Variants in SNX29 observed in about 807,000 individuals in gnomAD.
SNX29 encodes sorting nexin 29.
A neutral mutation model predicts 102.1 loss-of-function variants in SNX29; 78 were observed. The observed-to-expected ratio is 0.76, with a 90% CI of 0.64 to 0.92. The LOEUF (loss-of-function observed/expected upper bound fraction) is 0.92, where lower values mean the gene tolerates loss of function less well. Among genes scored for constraint, SNX29 ranks in the 40% least tolerant of loss-of-function variants. The pLI, the probability that SNX29 is intolerant of heterozygous loss-of-function variation, is 0.00. For synonymous variants in SNX29, 580 were observed against 414.5 expected, an observed-to-expected ratio of 1.40 and a Z score of -4.85; for missense variants, 1,280 against 1,061.7, an observed-to-expected ratio of 1.21 and a Z score of -2.86.
intron 20 of SNX29, chr16:12,546,345 A>C (rs564811010): frequency 1.3e-5 from 2 of 152,280 alleles, no homozygotes; most frequent in South Asian, 4.1e-4. Context: ...ATGGACTCAC[A>C]GTTCCATGTG....
intron 14 of SNX29, among the ~76,000 whole-genome samples, chr16:12,229,667 A>G (rs978004956): frequency 5.3e-5 from 8 of 151,950 alleles, no homozygotes; most frequent in African/African-American, 1.9e-4. Flanking sequence ...TGCATTCTTC[A>G]AAGATCTACC....
chr16:12,145,170 G>C (rs1028614560), intron 13 of SNX29, among the ~76,000 whole-genome samples: 32 of 150,930 alleles, frequency 2.1e-4, no homozygotes, highest in African/African-American at 7.8e-4. Context: ...CCATACCTGA[G>C]ATTTCTTGAG....
intron 19 of SNX29, among the ~76,000 whole-genome samples, chr16:12,517,302 G>C (rs1307236481): frequency 6.6e-6 from 1 of 152,198 alleles, no homozygotes; most frequent in Non-Finnish European, 1.5e-5. Flanking sequence ...GGCCCTTTAA[G>C]AGCTGGACAT....
At chr16:12,220,676 C>G (rs1427161345) in intron 14 of SNX29, among the ~76,000 whole-genome samples, 3 of 152,120 alleles carry the variant, frequency 2.0e-5, no homozygotes, top group African/African-American at 7.2e-5. Context: ...AAATATTTTT[C>G]TTTTCTTTTC....
At chr16:12,139,989 A>G (rs1262143108) in intron 13 of SNX29, among the ~76,000 whole-genome samples, 2 of 151,256 alleles carry the variant, frequency 1.3e-5, no homozygotes, top group East Asian at 3.9e-4. Flanking sequence ...TCAAAAAAAA[A>G]AAAAAAAAAA....
At chr16:12,562,837 C>T (rs146129696) in intron 20 of SNX29, among the ~76,000 whole-genome samples, 14 of 152,296 alleles carry the variant, frequency 9.2e-5, no homozygotes, top group African/African-American at 3.4e-4. Flanking sequence ...TAGCATTCCC[C>T]TATAGGCAAC....
rs58408658 is a variant in SNX29, at chr16:12,273,577, C to G, written c.1679-4356C>G. On this transcript the variant is annotated intron_variant, in intron 14 of 20. Coordinates refer to ENST00000566228, the MANE Select transcript of SNX29 (RefSeq NM_032167.5). ...TTTCACCATGTTGGCCAGCTGGTCTCGAACACTTGACCTCAGGTGATCTGC... is the reference window on the plus strand; with the variant it reads ...TTTCACCATGTTGGCCAGCTGGTCTGGAACACTTGACCTCAGGTGATCTGC... 7.8e-4 allele frequency among the ~76,000 whole-genome samples: 118 copies of G among 152,188 alleles called. No individual in the cohort carries two copies. The East Asian group carries it at 0.022, about 29-fold the overall frequency.
At chr16:12,268,746 G>T (rs1285838923) in intron 14 of SNX29, among the ~76,000 whole-genome samples, 1 of 152,116 alleles carries the variant, frequency 6.6e-6, no homozygotes, top group African/African-American at 2.4e-5. Context: ...ATCTCACACT[G>T]TTTGCATCTG....
At position 12,467,290 on chromosome 16, in the gene SNX29, A is replaced by G. The variant is rs556714304; in HGVS notation, c.2038-10429A>G. Among the ~76,000 whole-genome samples, 10 of 152,298 alleles carry G rather than the reference A, an allele frequency of 6.6e-5. No homozygotes were observed. The East Asian group carries it at 1.7e-3, about 26-fold the overall frequency. On this transcript the variant is annotated intron_variant, in intron 18 of 20. Coordinates refer to ENST00000566228, the MANE Select transcript of SNX29 (RefSeq NM_032167.5). ...AGACATACATCTGTGTTCTCTCTCCAGTAATCTAAAAGTGAGTGAAAGAAA... is the reference window on the plus strand; with the variant it reads ...AGACATACATCTGTGTTCTCTCTCCGGTAATCTAAAAGTGAGTGAAAGAAA...
chr16:12,240,139 A>G (rs2078057914), intron 14 of SNX29, among the ~76,000 whole-genome samples: 1 of 152,220 alleles, frequency 6.6e-6, no homozygotes. Context: ...TCCCACGGCT[A>G]GGCACTGAAG....
intron 1 of SNX29, among the ~76,000 whole-genome samples, chr16:11,982,061 G>A (rs901462444): frequency 1.3e-5 from 2 of 151,550 alleles, no homozygotes; most frequent in African/African-American, 4.8e-5. Context: ...AAAAAAGCAG[G>A]GTGTAGAATT....
intron 1 of SNX29, among the ~76,000 whole-genome samples, chr16:11,982,813 A>G (rs1359926999): frequency 1.3e-5 from 2 of 152,170 alleles, no homozygotes; most frequent in African/African-American, 2.4e-5. Flanking sequence ...TGTGTAACAG[A>G]TGAGCTCTAA....
Position 12,096,564 on chromosome 16 carries a change from A to G in SNX29, c.1402+17649A>G, listed in dbSNP as rs2052776095. ...CTCAGGAGATGTTAGCTCTTCTCAC[A>G]TGGGCCCTGCCCACAGAGCATTCTA... On this transcript the variant is annotated intron_variant, in intron 11 of 20. Coordinates refer to ENST00000566228, the MANE Select transcript of SNX29 (RefSeq NM_032167.5). The surrounding 1 kb of genome is among the most constrained non-coding windows in gnomAD (Gnocchi z 4.2). Among the ~76,000 whole-genome samples, 1 of 152,212 alleles carries G rather than the reference A, an allele frequency of 6.6e-6. No homozygotes were observed. Among genetic ancestry groups the G allele is most frequent in the South Asian group, 2.1e-4 (1 of 4,836 alleles).
chr16:12,365,384 G>A (rs2082434563), intron 16 of SNX29, among the ~76,000 whole-genome samples: 1 of 145,704 alleles, frequency 6.9e-6, no homozygotes, highest in East Asian at 2.1e-4. Context: ...CTCATCACAT[G>A]GTGTTTATGT....
At chr16:12,183,622 C>G (rs1248674387) in intron 13 of SNX29, among the ~76,000 whole-genome samples, 1 of 152,158 alleles carries the variant, frequency 6.6e-6, no homozygotes, top group Non-Finnish European at 1.5e-5. Flanking sequence ...CTACATTACC[C>G]CATAGGAATG....
intron 13 of SNX29, among the ~76,000 whole-genome samples, chr16:12,187,626 C>T (rs568666863): frequency 4.6e-5 from 7 of 151,836 alleles, no homozygotes; most frequent in Admixed American, 1.3e-4. Context: ...TGGGGCCTGT[C>T]GGGAAACAAT....
chr16:12,524,828 A>G lies in SNX29; in HGVS notation c.2305A>G (p.Met769Val), dbSNP rs1293913848. The G allele has an allele frequency of 6.2e-7, 1 of 1,613,372 alleles. No homozygotes were observed. The highest frequency in any genetic ancestry group is 1.3e-5 in the African/African-American group (1 of 74,832). Residue 769 changes from methionine to valine, a missense_variant, in exon 20 of 21, where the codon ATG becomes GTG. By Grantham distance (21) the Met-to-Val change is conservative (BLOSUM62 1). Transcript: ENST00000566228. Reference protein sequence around the residue: ...SPKKETLIQLMPFFVDITPPG... With the variant: ...SPKKETLIQLVPFFVDITPPG... ...CAAGAAGGAGACCCTCATCCAGCTG[A>G]TGCCCTTCTTCGTGTAAGTACTGCT...
intron 20 of SNX29, among the ~76,000 whole-genome samples, chr16:12,549,723 T>A (rs1190415612): frequency 6.6e-6 from 1 of 152,220 alleles, no homozygotes; most frequent in African/African-American, 2.4e-5. Flanking sequence ...AGAGTCACCC[T>A]ACAAAGTGTG....
chr16:12,443,577 A>G (rs897958866), intron 18 of SNX29, among the ~76,000 whole-genome samples: 12 of 152,048 alleles, frequency 7.9e-5, no homozygotes, highest in Admixed American at 7.2e-4. Context: ...CAGCCTCCCA[A>G]TTAGCTGGAA....
Sources: allele counts gnomAD v4.1 joint callset (sites outside exome capture counted in the v4.1 genomes callset), GRCh38; gene constraint gnomAD v4.1.1; non-coding constraint Gnocchi (gnomAD v3.1); transcripts MANE v1.5; gene names NCBI Gene and HGNC (gene_info 2026-07-23, HGNC 2026-07-21).